The following PHLPP1 variants were observed in gnomAD, a reference collection of about 807,000 sequenced individuals.
PHLPP1 encodes PH domain and leucine rich repeat protein phosphatase 1.
In PHLPP1, 42 loss-of-function variants were observed where a neutral mutation model predicts 117.2. The ratio of observed to expected loss-of-function variants is 0.36; its 90% CI spans 0.28 to 0.46. The LOEUF is 0.46. Ranked by LOEUF, PHLPP1 falls within the 20% of genes least tolerant of loss-of-function variation. The pLI is 1.00. For missense variants in PHLPP1, 2,084 were observed against 2,241.9 expected (o/e 0.93, Z 1.42); for synonymous variants, 1,042 against 970.7 (o/e 1.07, Z -1.37).
chr18:62,978,687 C>T lies in PHLPP1; in HGVS notation c.4410C>T (p.Ser1470=), dbSNP rs1187456732. Residue 1470 remains serine (S), a synonymous_variant, in exon 17 of 17, where the codon AGC becomes AGT. Transcript: ENST00000262719. The surrounding 1 kb of genome is among the most constrained non-coding windows in gnomAD (Gnocchi z 7.0). The part of the protein sequence containing the change: ...PSDGLGVPSS[S]SGMASEISSE... ...ATGGGCTGGGCGTGCCGTCCTCCAG[C>T]AGCGGCATGGCTTCCGAGATTAGCA... 1 of 1,613,908 alleles carries T rather than the reference C, an allele frequency of 6.2e-7. No individual in the cohort carries two copies. The highest frequency in any genetic ancestry group is 1.7e-5 in the Admixed American group (1 of 60,020).
At chr18:62,900,384 G>A (rs1599110678) in intron 6 of PHLPP1, among the ~76,000 whole-genome samples, 2 of 147,592 alleles carry the variant, frequency 1.4e-5, no homozygotes, top group East Asian at 3.9e-4. Context: ...GGTGACTGTG[G>A]TCAACAATAT....
chr18:62,728,145 A>G (rs1165158450), intron 1 of PHLPP1, among the ~76,000 whole-genome samples: 1 of 151,956 alleles, frequency 6.6e-6, no homozygotes, highest in Non-Finnish European at 1.5e-5. Context: ...AAATACAAAA[A>G]TTAGCTGGAC....
intron 1 of PHLPP1, among the ~76,000 whole-genome samples, chr18:62,796,144 G>T (rs1913626420): frequency 6.6e-6 from 1 of 152,206 alleles, no homozygotes; most frequent in Non-Finnish European, 1.5e-5. Context: ...ATTTGTTAGT[G>T]ATAATGGATT....
intron 10 of PHLPP1, among the ~76,000 whole-genome samples, chr18:62,929,269 CT>C (rs1909736948): frequency 6.6e-6 from 1 of 152,168 alleles, no homozygotes; most frequent in East Asian, 1.9e-4. Flanking sequence ...TCACATGTAG[CT>C]TTTTAGGTAT....
chr18:62,847,215 C>A (rs1019616967), intron 3 of PHLPP1, among the ~76,000 whole-genome samples: 4 of 152,110 alleles, frequency 2.6e-5, no homozygotes, highest in Admixed American at 2.6e-4. Context: ...TCATCTCTTC[C>A]CCCTTCTTTC....
intron 1 of PHLPP1, among the ~76,000 whole-genome samples, chr18:62,730,125 T>G (rs1911187514): frequency 1.3e-5 from 2 of 152,182 alleles, no homozygotes. Context: ...CCCCTTGATT[T>G]GCTGAATATG....
intron 4 of PHLPP1, among the ~76,000 whole-genome samples, chr18:62,870,811 T>A (rs1915884552): frequency 6.6e-6 from 1 of 152,232 alleles, no homozygotes; most frequent in African/African-American, 2.4e-5. Flanking sequence ...GGCATGCTGA[T>A]GTACACACAC....
intron 1 of PHLPP1, among the ~76,000 whole-genome samples, chr18:62,741,907 G>T (rs1911538159): frequency 6.6e-6 from 1 of 151,858 alleles, no homozygotes; most frequent in South Asian, 2.1e-4. Flanking sequence ...TCAGGAAATT[G>T]TAAGGGGCCA....
At chr18:62,799,942 G>T (rs1913728448) in intron 1 of PHLPP1, among the ~76,000 whole-genome samples, 1 of 152,170 alleles carries the variant, frequency 6.6e-6, no homozygotes, top group Non-Finnish European at 1.5e-5. Context: ...GGGTATTGGG[G>T]AACTGCAAGG....
Position 62,761,355 on chromosome 18 carries a change from G to A in PHLPP1, c.1576+44096G>A, listed in dbSNP as rs369167335. On this transcript the variant is annotated intron_variant, in intron 1 of 16. Transcript: ENST00000262719. Reference sequence around the variant, plus strand: ...TTTATTAAGAAATGATGGTAGGGCCGGGCGCAGTGGCTCACGCCTGTAATC... The same window carrying A: ...TTTATTAAGAAATGATGGTAGGGCCAGGCGCAGTGGCTCACGCCTGTAATC... Among the ~76,000 whole-genome samples the A allele has an allele frequency of 3.3e-5, 5 of 152,088 alleles. No individual in the cohort carries two copies. The East Asian group carries it at 7.7e-4, about 24-fold the overall frequency.
chr18:62,812,018 T>G (rs1257418191), intron 1 of PHLPP1, among the ~76,000 whole-genome samples: 1 of 152,198 alleles, frequency 6.6e-6, no homozygotes, highest in Non-Finnish European at 1.5e-5. Context: ...AGCTGTGTAT[T>G]ACACAGTAGA....
At position 62,748,104 on chromosome 18, in the gene PHLPP1, G is replaced by GTTTTACTAATTT. The variant is rs200454714; in HGVS notation, c.1576+30853_1576+30854insATTTTTTTACTA. 9.6e-3 allele frequency among the ~76,000 whole-genome samples: 1,458 copies of GTTTTACTAATTT among 152,138 alleles called. 21 individuals are homozygous for GTTTTACTAATTT. The highest frequency in any genetic ancestry group is 0.034 in the African/African-American group (1,402 of 41,490). Reference sequence around the variant, plus strand: ...TTAAGTATTTCATTCATCTTCTATAGTTTTACTACTCAACTATTCACAGTA... The same window carrying GTTTTACTAATTT: ...TTAAGTATTTCATTCATCTTCTATAGTTTTACTAATTTTTTTACTACTCAACTATTCACAGTA... On this transcript the variant is annotated intron_variant, in intron 1 of 16. Coordinates refer to ENST00000262719, the MANE Select transcript of PHLPP1 (RefSeq NM_194449.4).
chr18:62,759,550 A>G (rs1046960473), intron 1 of PHLPP1, among the ~76,000 whole-genome samples: 1 of 152,260 alleles, frequency 6.6e-6, no homozygotes, highest in Non-Finnish European at 1.5e-5. Flanking sequence ...TCTTGAACAT[A>G]CTAAATATTT....
At chr18:62,787,133 T>A (rs1221450982) in intron 1 of PHLPP1, among the ~76,000 whole-genome samples, 2 of 152,140 alleles carry the variant, frequency 1.3e-5, no homozygotes, top group Non-Finnish European at 2.9e-5. Flanking sequence ...AGAGAAAAGA[T>A]GTTTTACTCA....
chr18:62,829,059 A>C (rs1000229126), intron 1 of PHLPP1, among the ~76,000 whole-genome samples: 1 of 152,310 alleles, frequency 6.6e-6, no homozygotes, highest in Middle Eastern at 3.4e-3. Context: ...TGGGAAGTGA[A>C]GACTCTTCAG....
intron 10 of PHLPP1, among the ~76,000 whole-genome samples, chr18:62,930,524 A>G (rs535681651): frequency 6.6e-6 from 1 of 152,352 alleles, no homozygotes; most frequent in Admixed American, 6.5e-5. Flanking sequence ...TAATTATCCT[A>G]TGTACATACT....
At chr18:62,792,731 G>A (rs1913498537) in intron 1 of PHLPP1, among the ~76,000 whole-genome samples, 1 of 151,932 alleles carries the variant, frequency 6.6e-6, no homozygotes, top group East Asian at 1.9e-4. Flanking sequence ...GCCAGGTATG[G>A]TGGTGTGCAC....
chr18:62,736,896 C>T (rs900633643), intron 1 of PHLPP1, among the ~76,000 whole-genome samples: 6 of 151,858 alleles, frequency 4.0e-5, no homozygotes, highest in Non-Finnish European at 5.9e-5. Context: ...TATTTTTTTC[C>T]GTATACAAAA....
At chr18:62,902,316 C>G (rs1307583819) in intron 6 of PHLPP1, among the ~76,000 whole-genome samples, 1 of 152,196 alleles carries the variant, frequency 6.6e-6, no homozygotes, top group Non-Finnish European at 1.5e-5. Flanking sequence ...GCACTTCACT[C>G]TATCAAGCAG....
Sources: gnomAD v4.1 joint callset for allele counts (sites outside exome capture counted in the v4.1 genomes callset) on GRCh38, gnomAD v4.1.1 for gene constraint, Gnocchi (gnomAD v3.1) non-coding constraint, MANE v1.5 for transcripts, NCBI Gene and HGNC (gene_info 2026-07-23, HGNC 2026-07-21) for gene names.